Variants in FUT9 observed in about 807,000 individuals in gnomAD.
FUT9 encodes 4-galactosyl-N-acetylglucosaminide 3-alpha-L-fucosyltransferase 9.
Under a neutral mutation model 29.7 loss-of-function variants are expected in FUT9, and 15 were observed. The observed-to-expected ratio is 0.51, with a 90% CI of 0.34 to 0.78. The LOEUF is 0.78. Ranked by LOEUF, FUT9 falls within the 30% of genes least tolerant of loss-of-function variation. The probability of loss-of-function intolerance (pLI) is 0.01; values close to 1 mark genes in which losing one functional copy is unlikely to be tolerated. For synonymous variants in FUT9, 169 were observed against 153.7 expected, an observed-to-expected ratio of 1.10 and a Z score of -0.74; for missense variants, 319 against 425.4, an observed-to-expected ratio of 0.75 and a Z score of 2.20.
chr6:96,184,388 A>T (rs1773366512), intron 2 of FUT9, among the ~76,000 whole-genome samples: 1 of 151,908 alleles, frequency 6.6e-6, no homozygotes, highest in African/African-American at 2.4e-5. Flanking sequence ...ATCTTTTCAA[A>T]GAACCAGTTT....
chr6:96,105,695 T>A lies in FUT9; in HGVS notation c.-97-8344T>A, dbSNP rs1771665916. ...CTCAAGAAGAGTTTTAACAGTTATT[T>A]AAATAATGATAAGTTTCTATAGTTT... On this transcript the variant is annotated intron_variant, in intron 1 of 2. Coordinates refer to ENST00000302103, the MANE Select transcript of FUT9 (RefSeq NM_006581.4). Among the ~76,000 whole-genome samples, 4 of 152,178 alleles carry A rather than the reference T, an allele frequency of 2.6e-5. No individual in the cohort carries two copies. The South Asian group carries it at 8.3e-4, about 32-fold the overall frequency.
At chr6:96,182,560 G>A (rs4615400) in intron 2 of FUT9, among the ~76,000 whole-genome samples, 1 of 151,886 alleles carries the variant, frequency 6.6e-6, no homozygotes, top group East Asian at 1.9e-4. Context: ...TCAGGTCTTA[G>A]ATTTAAGTCC....
chr6:96,113,034 T>A (rs1437200904), intron 1 of FUT9, among the ~76,000 whole-genome samples: 1 of 151,330 alleles, frequency 6.6e-6, no homozygotes, highest in Non-Finnish European at 1.5e-5. Context: ...AGCATTCAGA[T>A]AGTTGTATAC....
intron 2 of FUT9, among the ~76,000 whole-genome samples, chr6:96,118,817 C>T (rs1173136029): frequency 6.6e-6 from 1 of 151,948 alleles, no homozygotes; most frequent in African/African-American, 2.4e-5. Context: ...GATCTTCACC[C>T]TGTGTAGACC....
At chr6:96,131,793 A>G (rs1017084911) in intron 2 of FUT9, among the ~76,000 whole-genome samples, 3 of 152,138 alleles carry the variant, frequency 2.0e-5, no homozygotes, top group African/African-American at 7.2e-5. Context: ...CACCTGGTAT[A>G]CAACAAATTT....
chr6:96,060,217 T>A (rs1186251720), intron 1 of FUT9, among the ~76,000 whole-genome samples: 1 of 152,186 alleles, frequency 6.6e-6, no homozygotes, highest in African/African-American at 2.4e-5. Flanking sequence ...TGGGGAGCCA[T>A]CCTTTGGAAA....
chr6:96,087,692 A>T (rs912317573), intron 1 of FUT9, among the ~76,000 whole-genome samples: 1 of 152,074 alleles, frequency 6.6e-6, no homozygotes, highest in Non-Finnish European at 1.5e-5. Context: ...TGCTATTATC[A>T]TACATTTTAC....
chr6:96,200,635 C>CATTTCA (rs1247830075), intron 2 of FUT9, among the ~76,000 whole-genome samples: 1 of 152,080 alleles, frequency 6.6e-6, no homozygotes, highest in Non-Finnish European at 1.5e-5. Context: ...TTTGCCATTG[C>CATTTCA]ATTTCAGTTC....
chr6:96,182,106 T>G (rs1773320413), intron 2 of FUT9, among the ~76,000 whole-genome samples: 1 of 152,068 alleles, frequency 6.6e-6, no homozygotes, highest in Admixed American at 6.6e-5. Flanking sequence ...TTTGATTTTT[T>G]GATTATGGAC....
At chr6:96,085,619 C>T (rs533425127) in intron 1 of FUT9, among the ~76,000 whole-genome samples, 2 of 152,246 alleles carry the variant, frequency 1.3e-5, no homozygotes, top group East Asian at 3.9e-4. Context: ...CCAGGTTTGT[C>T]AAACCCCAGT....
At chr6:96,169,524 T>G (rs1773073555) in intron 2 of FUT9, among the ~76,000 whole-genome samples, 1 of 152,188 alleles carries the variant, frequency 6.6e-6, no homozygotes, top group Admixed American at 6.5e-5. Flanking sequence ...GCTAATAGTG[T>G]TTTGTTTTTA....
chr6:96,175,502 A>C (rs756155078), intron 2 of FUT9, among the ~76,000 whole-genome samples: 1 of 152,264 alleles, frequency 6.6e-6, no homozygotes, highest in African/African-American at 2.4e-5. Flanking sequence ...ACCAAATATT[A>C]TACCTATTCG....
chr6:96,102,969 A>T (rs1028717938), intron 1 of FUT9, among the ~76,000 whole-genome samples: 1 of 152,214 alleles, frequency 6.6e-6, no homozygotes, highest in Non-Finnish European at 1.5e-5. Flanking sequence ...GGCTAGAGTG[A>T]CTAAAGCAGA....
intron 2 of FUT9, among the ~76,000 whole-genome samples, chr6:96,162,773 C>T (rs1181198056): frequency 6.6e-6 from 1 of 152,198 alleles, no homozygotes; most frequent in Non-Finnish European, 1.5e-5. Flanking sequence ...ATAGAGCCTA[C>T]ATCTGGCATT....
intron 1 of FUT9, among the ~76,000 whole-genome samples, chr6:96,068,819 A>G (rs184992498): frequency 5.9e-5 from 9 of 152,316 alleles, no homozygotes; most frequent in Non-Finnish European, 1.3e-4. Context: ...AATTTTGTCC[A>G]TGGGCTGAGG....
At chr6:96,191,675 C>T (rs1413312233) in intron 2 of FUT9, among the ~76,000 whole-genome samples, 1 of 152,150 alleles carries the variant, frequency 6.6e-6, no homozygotes, top group African/African-American at 2.4e-5. Context: ...GGTACCATTC[C>T]TTCTGCAACT....
At chr6:96,032,208 G>C (rs1582181640) in intron 1 of FUT9, among the ~76,000 whole-genome samples, 2 of 151,566 alleles carry the variant, frequency 1.3e-5, no homozygotes, top group Admixed American at 1.3e-4. Flanking sequence ...TTGTTTCCCG[G>C]AGGAGTCGTA....
At chr6:96,175,084 C>CTT (rs34458314) in intron 2 of FUT9, among the ~76,000 whole-genome samples, 2 of 145,230 alleles carry the variant, frequency 1.4e-5, no homozygotes. Flanking sequence ...AGATTGAAGA[C>CTT]TTTTTTTTTT....
chr6:96,048,780 G>A (rs1770611533), intron 1 of FUT9, among the ~76,000 whole-genome samples: 1 of 152,062 alleles, frequency 6.6e-6, no homozygotes. Flanking sequence ...GGAAATGAGA[G>A]GGGGGGAACT....
Sources: allele counts gnomAD v4.1 joint callset (sites outside exome capture counted in the v4.1 genomes callset), GRCh38; gene constraint gnomAD v4.1.1; transcripts MANE v1.5; gene names NCBI Gene and HGNC (gene_info 2026-07-23, HGNC 2026-07-21).